Variants in LEF1 observed in about 807,000 individuals in gnomAD.
The protein encoded by LEF1 is lymphoid enhancer-binding factor 1.
Under a neutral mutation model 51.2 loss-of-function variants are expected in LEF1, and 14 were observed. That is an observed-to-expected ratio of 0.27 (90% CI 0.18 to 0.43). LEF1 has a LOEUF of 0.43. LEF1 is among the 20% of genes least tolerant of loss of function. LEF1 has a pLI of 1.00. For missense variants in LEF1, 386 were observed against 512.0 expected, an observed-to-expected ratio of 0.75 and a Z score of 2.37; for synonymous variants, 185 against 183.2, an observed-to-expected ratio of 1.01 and a Z score of -0.08.
In LEF1 at chr4:108,167,630, C is replaced by G. The variant is rs1404664164; in HGVS notation, c.138G>C (p.Glu46Asp). ...KIFAEISHPE[E>D]EGDLADIKSS... is the part of the protein sequence containing the mutation. ...ACTTGATGTCAGCTAAATCGCCTTCCTCTTCGGGATGACTGATCTCGGCGA... is the reference window on the plus strand; with the variant it reads ...ACTTGATGTCAGCTAAATCGCCTTCGTCTTCGGGATGACTGATCTCGGCGA... The change falls in exon 1 of 12, where the codon GAG (glutamate) becomes GAC (aspartate). Residue 46 changes from glutamate to aspartate, a missense_variant. Glu to Asp is a conservative substitution (Grantham distance 45). Coordinates refer to ENST00000265165, the MANE Select transcript of LEF1 (RefSeq NM_016269.5). The surrounding 1 kb of genome is among the most constrained non-coding windows in gnomAD (Gnocchi z 5.7). 5 of 1,614,226 alleles carry G rather than the reference C, an allele frequency of 3.1e-6. No individual in the cohort carries two copies. The African/African-American group carries it at 4.0e-5, about 13-fold the overall frequency.
intron 3 of LEF1, among the ~76,000 whole-genome samples, chr4:108,116,497 A>G (rs1367084642): frequency 6.6e-6 from 1 of 152,212 alleles, no homozygotes; most frequent in Non-Finnish European, 1.5e-5. Flanking sequence ...ACCCCAACCT[A>G]GGCAACAGAG....
chr4:108,155,227 A>T (rs1472600156), intron 3 of LEF1, among the ~76,000 whole-genome samples: 3 of 152,204 alleles, frequency 2.0e-5, no homozygotes. Context: ...TGGCAATTTC[A>T]TATCAAATAT....
At chr4:108,119,993 ATGTGTGTG>A (rs34987010) in intron 3 of LEF1, among the ~76,000 whole-genome samples, 66,480 of 149,416 alleles carry the variant, frequency 0.44, 16,642 homozygotes, top group Middle Eastern at 0.69. Context: ...TATTTTATAT[ATGTGTGTG>A]TGTGTGTGTG....
chr4:108,141,108 C>T (rs1486327940), intron 3 of LEF1, among the ~76,000 whole-genome samples: 2 of 152,198 alleles, frequency 1.3e-5, no homozygotes, highest in African/African-American at 4.8e-5. Flanking sequence ...TACTCCAAAT[C>T]AGCAAGTGTA....
chr4:108,154,617 C>T (rs1744577583), intron 3 of LEF1, among the ~76,000 whole-genome samples: 1 of 151,896 alleles, frequency 6.6e-6, no homozygotes, highest in African/African-American at 2.4e-5. Flanking sequence ...CTGGTCAGCC[C>T]AACTGTAATA....
At chr4:108,081,528 A>G (rs1739303820) in intron 6 of LEF1, 58 bp downstream of exon 6, 2 of 1,377,390 alleles carry the variant, frequency 1.5e-6, no homozygotes, top group Non-Finnish European at 2.1e-6. Context: ...GGCGCACAGG[A>G]TGCAAGCACG....
rs541237994 is a variant in LEF1 at position 108,160,200 on chromosome 4, C to T, written c.414+3368G>A. Among the ~76,000 whole-genome samples the T allele has an allele frequency of 3.3e-5, 5 of 152,346 alleles. 1 individual carries two copies. Among genetic ancestry groups the T allele is most frequent in the South Asian group, 2.1e-4 (1 of 4,828 alleles). On this transcript the variant is annotated intron_variant, in intron 3 of 11. Coordinates refer to ENST00000265165, the MANE Select transcript of LEF1 (RefSeq NM_016269.5). ...TCACTACATTAAAGCTGGCCAAGCTCACCATTCACACGGTGTTCAGGCACA... is the reference window on the plus strand; with the variant it reads ...TCACTACATTAAAGCTGGCCAAGCTTACCATTCACACGGTGTTCAGGCACA...
rs35000095 is a variant in LEF1, at chr4:108,167,351, T to TACACACACACACAC, written c.213+190_213+203dup. ...TACCCTGCCCCTCTACCTCCCATCC[T>TACACACACACACAC]ACACACACACACACACACACACACA... On this transcript the variant is annotated intron_variant, in intron 1 of 11. Transcript: ENST00000265165. This position sits in a 1 kb window ranked among gnomAD's most constrained non-coding sequence, Gnocchi z 5.7. Among the ~76,000 whole-genome samples, 9 of 131,694 alleles carry TACACACACACACAC rather than the reference T, an allele frequency of 6.8e-5. No homozygotes were observed. Among genetic ancestry groups the TACACACACACACAC allele is most frequent in the Admixed American group, 7.5e-5 (1 of 13,342 alleles). 86.4% of individuals were successfully genotyped at this position (131,694 alleles called of 152,430 possible).
chr4:108,128,670 A>G (rs1742690430), intron 3 of LEF1, among the ~76,000 whole-genome samples: 2 of 152,212 alleles, frequency 1.3e-5, no homozygotes, highest in African/African-American at 4.8e-5. Context: ...ATAAAGATAC[A>G]GAAGCCATAC....
chr4:108,160,340 A>G (rs1744986970), intron 3 of LEF1, among the ~76,000 whole-genome samples: 2 of 152,214 alleles, frequency 1.3e-5, no homozygotes, highest in Non-Finnish European at 2.9e-5. Context: ...GTTTGGGAGT[A>G]TGCTTTTAAT....
chr4:108,092,814 T>C (rs888496397), intron 3 of LEF1, among the ~76,000 whole-genome samples: 3 of 148,746 alleles, frequency 2.0e-5, no homozygotes, highest in Admixed American at 6.9e-5. Flanking sequence ...CTAGCACCAA[T>C]GACCAACACA....
intron 3 of LEF1, among the ~76,000 whole-genome samples, chr4:108,139,918 A>T (rs1161698363): frequency 1.3e-5 from 2 of 152,200 alleles, no homozygotes; most frequent in Admixed American, 1.3e-4. Context: ...TACCCACAAG[A>T]AACAGAGGAA....
intron 1 of LEF1, chr4:108,166,704 C>T: frequency 1.0e-6 from 1 of 994,446 alleles, no homozygotes; most frequent in Non-Finnish European, 1.2e-6. Context: ...AAAGCGCCTT[C>T]CACCCTGCAG....
chr4:108,145,186 C>T (rs868684442), intron 3 of LEF1, among the ~76,000 whole-genome samples: 2 of 152,222 alleles, frequency 1.3e-5, no homozygotes, highest in African/African-American at 2.4e-5. Flanking sequence ...GCCACTGGGG[C>T]CCCCGTTTGC....
At chr4:108,154,443 C>CAAAAAAAAAA (rs10672899) in intron 3 of LEF1, among the ~76,000 whole-genome samples, 1 of 71,976 alleles carries the variant, frequency 1.4e-5, no homozygotes, top group Admixed American at 2.0e-4. Context: ...AAGGTAGTAG[C>CAAAAAAAAAA]AAAAAAAAAA....
chr4:108,100,132 A>C (rs572650377), intron 3 of LEF1, among the ~76,000 whole-genome samples: 1 of 152,314 alleles, frequency 6.6e-6, no homozygotes, highest in South Asian at 2.1e-4. Flanking sequence ...ACCTTTTGTT[A>C]TAGACTTAAA....
chr4:108,053,971 T>G (rs1382553726), intron 11 of LEF1, among the ~76,000 whole-genome samples: 4 of 152,232 alleles, frequency 2.6e-5, no homozygotes, highest in Non-Finnish European at 5.9e-5. Flanking sequence ...CTTCTACAAA[T>G]GAGGTGACAG....
chr4:108,133,226 C>A (rs1743021021), intron 3 of LEF1, among the ~76,000 whole-genome samples: 1 of 152,168 alleles, frequency 6.6e-6, no homozygotes, highest in African/African-American at 2.4e-5. Context: ...CCCGCCCCAG[C>A]ATCTGCAACA....
chr4:108,122,426 A>G (rs1034809467), intron 3 of LEF1, among the ~76,000 whole-genome samples: 2 of 151,948 alleles, frequency 1.3e-5, no homozygotes, highest in African/African-American at 4.8e-5. Flanking sequence ...ATTTCTTCAG[A>G]TCCCTCGTTT....
Sources: allele counts gnomAD v4.1 joint callset (sites outside exome capture counted in the v4.1 genomes callset), GRCh38; gene constraint gnomAD v4.1.1; non-coding constraint Gnocchi (gnomAD v3.1); transcripts MANE v1.5; gene names NCBI Gene and HGNC (gene_info 2026-07-23, HGNC 2026-07-21).